COX7A2L: variants seen among roughly 807,000 people sequenced by gnomAD.
COX7A2L encodes cytochrome c oxidase subunit 7A2-like, mitochondrial.
In COX7A2L, 18 loss-of-function variants were observed where a neutral mutation model predicts 14.2. The ratio of observed to expected loss-of-function variants is 1.27; its 90% CI spans 0.88 to 1.88. The LOEUF (loss-of-function observed/expected upper bound fraction) is 1.88. COX7A2L is among the 40% of genes most tolerant of loss of function. The pLI is 0.00. For synonymous variants in COX7A2L, 65 were observed against 57.4 expected (o/e 1.13, Z -0.60); for missense variants, 179 against 138.8 (o/e 1.29, Z -1.46).
chr2:42,343,622 A>G (rs1670442073), intron 2 of COX7A2L, among the ~76,000 whole-genome samples: 1 of 152,186 alleles, frequency 6.6e-6, no homozygotes, highest in Non-Finnish European at 1.5e-5. Flanking sequence ...AAATATATGT[A>G]TTAAATCACT....
upstream of COX7A2L, among the ~76,000 whole-genome samples, chr2:42,364,008 G>A (rs530258912): frequency 3.3e-4 from 50 of 152,284 alleles, no homozygotes; most frequent in Middle Eastern, 3.4e-3. Flanking sequence ...ATACTGAGTA[G>A]AGATAGGAAC....
rs1670340460 is a variant in COX7A2L, at chr2:42,338,771, C to A, written c.193-4902G>T. Among the ~76,000 whole-genome samples, 1 of 152,240 alleles carries A rather than the reference C, an allele frequency of 6.6e-6. No individual in the cohort carries two copies. Among genetic ancestry groups the A allele is most frequent in the South Asian group, 2.1e-4 (1 of 4,828 alleles). On this transcript the variant is annotated intron_variant, in intron 2 of 2. Coordinates refer to the COX7A2L transcript ENST00000468711. The surrounding 1 kb of genome is among the most constrained non-coding windows in gnomAD (Gnocchi z 4.4). ...TTTTCACTCACAGGGAGAATTACTGCTTCCCATGAAAGCATTTTCCAGTGA... is the reference window on the plus strand; with the variant it reads ...TTTTCACTCACAGGGAGAATTACTGATTCCCATGAAAGCATTTTCCAGTGA...
chr2:42,340,325 G>A (rs1208215445), intron 2 of COX7A2L, among the ~76,000 whole-genome samples: 1 of 152,112 alleles, frequency 6.6e-6, no homozygotes, highest in Non-Finnish European at 1.5e-5. Context: ...TTTCTCTCGT[G>A]CCCTCGGCTG....
chr2:42,337,612 G>T (rs1336450266), intron 2 of COX7A2L, among the ~76,000 whole-genome samples: 1 of 152,110 alleles, frequency 6.6e-6, no homozygotes, highest in African/African-American at 2.4e-5. Flanking sequence ...CTGTGGTCTG[G>T]ATTACTGTGT....
chr2:42,364,367 C>T (rs527653560), upstream of COX7A2L, among the ~76,000 whole-genome samples: 2 of 151,950 alleles, frequency 1.3e-5, no homozygotes, highest in South Asian at 2.1e-4. Flanking sequence ...GCCCATTCTA[C>T]GGTAGTTTCC....
chr2:42,345,783 C>A (rs1043790298), downstream of COX7A2L, among the ~76,000 whole-genome samples: 1 of 152,126 alleles, frequency 6.6e-6, no homozygotes, highest in Non-Finnish European at 1.5e-5. Flanking sequence ...TCATGTGAAC[C>A]CAGAGCACTG....
chr2:42,364,949 T>C (rs1558638737), upstream of COX7A2L, among the ~76,000 whole-genome samples: 1 of 152,242 alleles, frequency 6.6e-6, no homozygotes, highest in Non-Finnish European at 1.5e-5. Flanking sequence ...CTTTTCCTTA[T>C]GTGCAAGTCA....
At chr2:42,355,688 T>C (rs1670792250) in intron 1 of COX7A2L, among the ~76,000 whole-genome samples, 1 of 150,716 alleles carries the variant, frequency 6.6e-6, no homozygotes, top group African/African-American at 2.4e-5. Context: ...GTTTAATAAT[T>C]TAACAGTCAC....
chr2:42,336,194 G>A (rs1301232710), intron 2 of COX7A2L, among the ~76,000 whole-genome samples: 1 of 152,156 alleles, frequency 6.6e-6, no homozygotes, highest in Non-Finnish European at 1.5e-5. Context: ...AGTGTTGGGA[G>A]GTTGGGCCAA....
chr2:42,361,022 G>A (rs377157337), intron 1 of COX7A2L, 68 bp downstream of exon 1: 62 of 1,563,594 alleles, frequency 4.0e-5, no homozygotes, highest in Non-Finnish European at 5.3e-5. Flanking sequence ...CTCCAACGCC[G>A]CGACTGCCTG....
intron 1 of COX7A2L, chr2:42,359,230 C>T (rs1670936188): frequency 6.6e-6 from 1 of 152,142 alleles, no homozygotes; most frequent in South Asian, 2.1e-4. Context: ...GTGACTGTGC[C>T]ATTGCACTCC....
rs1443419330 is a variant in COX7A2L at position 42,350,721 on chromosome 2, ACCTGC to A, written c.*493_*497del. 1 of 152,248 alleles carries A rather than the reference ACCTGC, an allele frequency of 6.6e-6. No homozygotes were observed. The highest frequency in any genetic ancestry group is 1.5e-5 in the Non-Finnish European group (1 of 68,086). The allele number at this position is 152,248 out of a possible 1,614,324, so 9.4% of individuals were successfully genotyped here. ...ATGAGGCAAATAACCCTTTGAAATT[ACCTGC>A]CCAACAAATAGAGGCAGGCTACATT... is the stretch of plus-strand genomic sequence containing the variant. On this transcript the variant is annotated 3_prime_UTR_variant, in exon 3 of 3. Transcript: ENST00000234301.
rs375692790 is a variant in COX7A2L at position 42,353,286 on chromosome 2, T to A, written c.130A>T (p.Lys44Ter). ...APPIIFATPT[K>*]LTSDSTVYDY... ...TACACTGTGGAATCGGAGGTCAGTTTAGTTGGTGTGGCAAATATGATAGGT... is the reference window on the plus strand; with the variant it reads ...TACACTGTGGAATCGGAGGTCAGTTAAGTTGGTGTGGCAAATATGATAGGT... The change falls in exon 2 of 3, where the codon AAA (lysine) becomes TAA (stop). Residue 44 changes from lysine to a stop codon, truncating the protein, a stop_gained. Coordinates refer to ENST00000234301, the MANE Select transcript of COX7A2L (RefSeq NM_004718.4). LOFTEE classifies it high-confidence loss of function. The A allele has an allele frequency of 3.7e-6, 6 of 1,614,072 alleles. No individual in the cohort carries two copies. The highest frequency in any genetic ancestry group is 1.6e-4 in the Middle Eastern group (1 of 6,084).
rs781451266 is a variant in COX7A2L, at chr2:42,351,356, C to T, written c.208G>A (p.Ala70Thr). 2 of 1,612,666 alleles carry T rather than the reference C, an allele frequency of 1.2e-6. No homozygotes were observed. Among genetic ancestry groups the T allele is most frequent in the African/African-American group, 1.3e-5 (1 of 74,938 alleles). ...TTCAGGTAGACGGGCACACCATCAG[C>T]TTTCTTGAAAGCAAGAATTAACAAG... ...VPELQKFFQK[A>T]DGVPVYLKRG... The change falls in exon 3 of 3, where the codon GCT becomes ACT. Residue 70 changes from alanine (A) to threonine (T), a missense_variant. Physicochemically the swap from Ala to Thr is moderately conservative, Grantham distance 58. Coordinates refer to ENST00000234301, the MANE Select transcript of COX7A2L (RefSeq NM_004718.4).
intron 1 of COX7A2L, among the ~76,000 whole-genome samples, chr2:42,367,840 A>G (rs1200173655): frequency 6.6e-6 from 1 of 152,220 alleles, no homozygotes; most frequent in Non-Finnish European, 1.5e-5. Context: ...CTGGCGTTTC[A>G]TTGTATGATC....
intron 1 of COX7A2L, among the ~76,000 whole-genome samples, chr2:42,360,561 C>T (rs1271158793): frequency 6.6e-6 from 1 of 152,232 alleles, no homozygotes; most frequent in African/African-American, 2.4e-5. Flanking sequence ...CTGCATGCAA[C>T]TTCCCTCCCT....
rs147492938 is a variant in COX7A2L, at chr2:42,338,501, C to T, written c.193-4632G>A. 6.6e-6 allele frequency among the ~76,000 whole-genome samples: 1 copy of T among 152,286 alleles called. No homozygotes were observed. Among genetic ancestry groups the T allele is most frequent in the East Asian group, 1.9e-4 (1 of 5,178 alleles). On this transcript the variant is annotated intron_variant, in intron 2 of 2. Transcript: ENST00000468711. This position sits in a 1 kb window ranked among gnomAD's most constrained non-coding sequence, Gnocchi z 4.4. ...TTGATGTGGCCTGCCATGTGCTGCC[C>T]GTGAACATCTCCTCACCAGAATCAT... is the stretch of plus-strand genomic sequence containing the variant.
At chr2:42,337,903 G>A (rs1435867567) in intron 2 of COX7A2L, among the ~76,000 whole-genome samples, 1 of 152,182 alleles carries the variant, frequency 6.6e-6, no homozygotes. Flanking sequence ...AGTGCGGACC[G>A]TGGGACCAAG....
rs577638128 is a variant in COX7A2L, at chr2:42,338,654, C to G, written c.193-4785G>C. ...GCCTTAGTGTGATTCAACTCCATCC[C>G]CACCTGGCGGTCAGCCTGTCGAGGG... On this transcript the variant is annotated intron_variant, in intron 2 of 2. Coordinates refer to the COX7A2L transcript ENST00000468711. The surrounding 1 kb of genome is among the most constrained non-coding windows in gnomAD (Gnocchi z 4.4). Among the ~76,000 whole-genome samples the G allele has an allele frequency of 2.0e-5, 3 of 152,298 alleles. No homozygotes were observed. The highest frequency in any genetic ancestry group is 2.1e-4 in the South Asian group (1 of 4,812).
Sources: allele counts gnomAD v4.1 joint callset (sites outside exome capture counted in the v4.1 genomes callset), GRCh38; gene constraint gnomAD v4.1.1; non-coding constraint Gnocchi (gnomAD v3.1); transcripts MANE v1.5; gene names NCBI Gene and HGNC (gene_info 2026-07-23, HGNC 2026-07-21).